Variants in IL31RA observed in about 807,000 individuals in gnomAD.
IL31RA encodes interleukin-31 receptor subunit alpha.
IL31RA carries 66 observed loss-of-function variants against 83.7 expected under a neutral mutation model. The observed-to-expected ratio is 0.79, with a 90% CI of 0.65 to 0.97. IL31RA has a LOEUF of 0.97. Ranked by LOEUF, IL31RA falls within the 50% of genes least tolerant of loss-of-function variation. The probability of loss-of-function intolerance (pLI) is 0.00; values close to 1 mark genes in which losing one functional copy is unlikely to be tolerated. For missense variants in IL31RA, 798 were observed against 919.4 expected, an observed-to-expected ratio of 0.87 and a Z score of 1.71; for synonymous variants, 325 against 329.0, an observed-to-expected ratio of 0.99 and a Z score of 0.13.
intron 6 of IL31RA, among the ~76,000 whole-genome samples, chr5:55,892,082 G>A (rs546378865): frequency 6.6e-6 from 1 of 152,208 alleles, no homozygotes; most frequent in Non-Finnish European, 1.5e-5. Context: ...GCCTGGACAA[G>A]ATATTTTGAG....
intron 4 of IL31RA, among the ~76,000 whole-genome samples, chr5:55,882,259 T>A (rs1747287356): frequency 6.6e-6 from 1 of 152,154 alleles, no homozygotes; most frequent in South Asian, 2.1e-4. Flanking sequence ...TAATAGAACA[T>A]AAGTCAAAAA....
chr5:55,906,322 G>T (rs377024304), intron 9 of IL31RA, 34 bp downstream of exon 9: 3 of 1,603,364 alleles, frequency 1.9e-6, no homozygotes, highest in Non-Finnish European at 2.6e-6. Flanking sequence ...TTCCCTCAGT[G>T]CAGGGTTTGG....
chr5:55,878,010 A>C (rs541911941), intron 4 of IL31RA, among the ~76,000 whole-genome samples: 2 of 151,840 alleles, frequency 1.3e-5, no homozygotes, highest in Non-Finnish European at 2.9e-5. Flanking sequence ...GACTCTGTTT[A>C]TTTTTCCTTA....
At chr5:55,862,692 C>A in intron 2 of IL31RA, among the ~76,000 whole-genome samples, 1 of 152,222 alleles carries the variant, frequency 6.6e-6, no homozygotes, top group East Asian at 1.9e-4. Flanking sequence ...CAGGTGTGAG[C>A]CACTATGCTC....
intron 6 of IL31RA, among the ~76,000 whole-genome samples, chr5:55,895,420 G>A (rs1202408264): frequency 6.6e-6 from 1 of 152,212 alleles, no homozygotes; most frequent in Non-Finnish European, 1.5e-5. Context: ...GGATATTTGA[G>A]AGATACAGTC....
In IL31RA at chr5:55,851,468, A is replaced by G. The variant is rs1580636979; in HGVS notation, c.-103A>G. 8.1e-6 allele frequency: 13 copies of G among 1,610,130 alleles called. No individual in the cohort carries two copies. In the South Asian group the frequency reaches 1.3e-4, roughly 16 times the overall value. The stretch of plus-strand genomic sequence containing the variant: ...GCAAAAAATTGCAAAAAAAAATAGT[A>G]ATAACCAGCATGGCACTAAATAGAC... On this transcript the variant is annotated 5_prime_UTR_variant, in exon 1 of 15. Transcript: ENST00000652347.
At chr5:55,847,238 A>T (rs144263091), upstream of IL31RA, among the ~76,000 whole-genome samples, 334 of 15,480 alleles carry the variant, frequency 0.022, 4 homozygotes, top group African/African-American at 0.048. Context: ...AAAAAAAAAA[A>T]AAATAAAAAT....
chr5:55,921,071 A>C lies in IL31RA; in HGVS notation c.*3951A>C, dbSNP rs1750066951. 1.3e-5 allele frequency among the ~76,000 whole-genome samples: 2 copies of C among 152,198 alleles called. No homozygotes were observed. The highest frequency in any genetic ancestry group is 1.3e-4 in the Admixed American group (2 of 15,274). On this transcript the variant is annotated 3_prime_UTR_variant, in exon 15 of 15. Coordinates refer to ENST00000652347, the MANE Select transcript of IL31RA (RefSeq NM_139017.7). Reference sequence around the variant, plus strand: ...AATGTCAGCAGTGCTGAGGCTGAGAAGTCGTGGCCTGAACTACCCTCTGCC... The same window carrying C: ...AATGTCAGCAGTGCTGAGGCTGAGACGTCGTGGCCTGAACTACCCTCTGCC...
At chr5:55,896,201 G>T in intron 6 of IL31RA, 149 bp from the exon 7 acceptor site, 1 of 697,612 alleles carries the variant, frequency 1.4e-6, no homozygotes. Flanking sequence ...GACATCTTTG[G>T]TCATTGCAAA....
At chr5:55,865,761 A>G (rs982370107) in intron 2 of IL31RA, among the ~76,000 whole-genome samples, 2 of 152,202 alleles carry the variant, frequency 1.3e-5, no homozygotes, top group Non-Finnish European at 2.9e-5. Flanking sequence ...GGGTGTGGGT[A>G]GCACTTAAAT....
intron 7 of IL31RA, among the ~76,000 whole-genome samples, chr5:55,898,401 C>A (rs950481626): frequency 7.3e-6 from 1 of 136,512 alleles, no homozygotes; most frequent in Non-Finnish European, 1.5e-5. Flanking sequence ...CTAAAATGCT[C>A]TAAAATTAAA....
chr5:55,859,606 T>A lies in IL31RA; in HGVS notation c.154+7T>A. On this transcript the variant is annotated splice_region_variant and intron_variant, in intron 2 of 14. Transcript: ENST00000652347. ...TGCAAATTCAGCCTGGCAGGTAGGT[T>A]GACCTGGGCCCTTTTACAGATCATG... The A allele has an allele frequency of 6.3e-7, 1 of 1,584,742 alleles. No individual in the cohort carries two copies. The highest frequency in any genetic ancestry group is 1.7e-5 in the Admixed American group (1 of 59,960).
At chr5:55,857,980 T>C (rs1745455763) in intron 1 of IL31RA, among the ~76,000 whole-genome samples, 2 of 152,194 alleles carry the variant, frequency 1.3e-5, no homozygotes, top group South Asian at 4.1e-4. Context: ...ACTTTTCAAC[T>C]ACTGTAACTT....
At chr5:55,870,826 G>A (rs1209998029) in intron 3 of IL31RA, among the ~76,000 whole-genome samples, 5 of 152,200 alleles carry the variant, frequency 3.3e-5, no homozygotes, top group Non-Finnish European at 5.9e-5. Flanking sequence ...CTGATGTCCA[G>A]AAACAATAGG....
At chr5:55,850,590 CCTTT>C (rs1171708115), upstream of IL31RA, among the ~76,000 whole-genome samples, 8 of 152,174 alleles carry the variant, frequency 5.3e-5, no homozygotes, top group South Asian at 1.2e-3. Flanking sequence ...TTCTGCATTG[CCTTT>C]CTTTCAAGTT....
At chr5:55,897,148 C>T (rs1319249315) in intron 7 of IL31RA, among the ~76,000 whole-genome samples, 1 of 143,310 alleles carries the variant, frequency 7.0e-6, no homozygotes, top group Non-Finnish European at 1.5e-5. Flanking sequence ...CCATGCCCAG[C>T]CTGTTTCTTT....
intron 11 of IL31RA, among the ~76,000 whole-genome samples, chr5:55,910,282 A>G (rs1362610852): frequency 6.6e-6 from 1 of 152,200 alleles, no homozygotes; most frequent in Non-Finnish European, 1.5e-5. Flanking sequence ...TGTCATATCA[A>G]AGAAACCATT....
At chr5:55,880,427 C>T (rs1281657294) in intron 4 of IL31RA, among the ~76,000 whole-genome samples, 1 of 152,046 alleles carries the variant, frequency 6.6e-6, no homozygotes, top group Non-Finnish European at 1.5e-5. Flanking sequence ...ATCAAAACAG[C>T]TCATATGTCC....
chr5:55,902,882 G>A (rs1304682899), intron 8 of IL31RA, among the ~76,000 whole-genome samples: 16 of 152,124 alleles, frequency 1.1e-4, no homozygotes, highest in Admixed American at 1.0e-3. Context: ...TTTTATAGAC[G>A]GCAAAGGGAT....
Sources: allele counts gnomAD v4.1 joint callset (sites outside exome capture counted in the v4.1 genomes callset), GRCh38; gene constraint gnomAD v4.1.1; transcripts MANE v1.5; gene names NCBI Gene and HGNC (gene_info 2026-07-23, HGNC 2026-07-21).